THUMPD2: variants seen among roughly 807,000 people sequenced by gnomAD.
THUMPD2 encodes the protein THUMP domain 2 tRNA and snRNA guanosine methyltransferase.
In THUMPD2, 56 loss-of-function variants were observed where a neutral mutation model predicts 49.4. The observed-to-expected ratio is 1.13, with a 90% CI of 0.91 to 1.41. The LOEUF is 1.41. Among genes scored for constraint, THUMPD2 ranks in the 40% most tolerant of loss-of-function variants. THUMPD2 has a pLI of 0.00. For missense variants in THUMPD2, 709 were observed against 594.5 expected, an observed-to-expected ratio of 1.19 and a Z score of -2.00; for synonymous variants, 237 against 205.2, an observed-to-expected ratio of 1.15 and a Z score of -1.32.
intron 9 of THUMPD2, among the ~76,000 whole-genome samples, chr2:39,740,327 T>C (rs1222168929): frequency 6.6e-6 from 1 of 152,232 alleles, no homozygotes. Context: ...ATAATGTATA[T>C]TGTAACAACT....
intron 8 of THUMPD2, among the ~76,000 whole-genome samples, chr2:39,746,509 G>A (rs528552328): frequency 2.6e-5 from 4 of 152,250 alleles, no homozygotes; most frequent in East Asian, 3.9e-4. Context: ...ATTATTAGAT[G>A]CTTTAAATAC....
At chr2:39,762,236 T>A (rs1210852961) in intron 5 of THUMPD2, among the ~76,000 whole-genome samples, 1 of 152,196 alleles carries the variant, frequency 6.6e-6, no homozygotes, top group African/African-American at 2.4e-5. Flanking sequence ...TGGGGTTGGC[T>A]TCTTCCAAAA....
intron 3 of THUMPD2, chr2:39,768,926 G>A: frequency 7.7e-7 from 1 of 1,302,842 alleles, no homozygotes; most frequent in Non-Finnish European, 1.0e-6. Context: ...TGATTTTAAG[G>A]TTGATAAAGT....
chr2:39,767,603 C>CAAAAAAAA lies in THUMPD2; in HGVS notation c.750+813_750+820dup, dbSNP rs57906396. Among the ~76,000 whole-genome samples, 77 of 67,708 alleles carry CAAAAAAAA rather than the reference C, an allele frequency of 1.1e-3. 1 individual carries two copies. The highest frequency in any genetic ancestry group is 3.4e-3 in the East Asian group (8 of 2,326). The allele number at this position is 67,708 out of a possible 152,430, so 44.4% of individuals were successfully genotyped here. A position where few individuals can be genotyped will look rare whatever the true frequency, so the allele number is the denominator to read the frequency against. ...TGGGCGACAGAGCGAGACTCCGTCT[C>CAAAAAAAA]AAAAAAAAAAAAAAAAAAAGAATTG... On this transcript the variant is annotated intron_variant, in intron 4 of 9. Transcript: ENST00000505747.
chr2:39,740,816 C>T (rs1673793218), intron 9 of THUMPD2, among the ~76,000 whole-genome samples: 2 of 152,072 alleles, frequency 1.3e-5, no homozygotes, highest in Non-Finnish European at 2.9e-5. Flanking sequence ...AAGCGATCCT[C>T]CTACTTTAGC....
At chr2:39,759,328 T>G (rs1023951654) in intron 6 of THUMPD2, among the ~76,000 whole-genome samples, 8 of 152,122 alleles carry the variant, frequency 5.3e-5, no homozygotes, top group Non-Finnish European at 8.8e-5. Flanking sequence ...TTAACTACAA[T>G]TTTGGTATAA....
intron 1 of THUMPD2, among the ~76,000 whole-genome samples, chr2:39,775,112 G>A (rs973354086): frequency 1.3e-5 from 2 of 151,954 alleles, no homozygotes; most frequent in African/African-American, 4.8e-5. Flanking sequence ...AGACCCTGTT[G>A]GTACAAAAAG....
intron 8 of THUMPD2, among the ~76,000 whole-genome samples, chr2:39,754,795 C>T (rs2148256855): frequency 6.6e-6 from 1 of 152,332 alleles, no homozygotes; most frequent in South Asian, 2.1e-4. Context: ...TCCTGGTTTA[C>T]TCCAGACTTT....
intron 9 of THUMPD2, among the ~76,000 whole-genome samples, chr2:39,742,311 G>A (rs901992989): frequency 6.6e-6 from 1 of 152,162 alleles, no homozygotes; most frequent in Non-Finnish European, 1.5e-5. Flanking sequence ...GTCCCACTGA[G>A]GCACTTTAGT....
intron 8 of THUMPD2, among the ~76,000 whole-genome samples, chr2:39,748,996 A>C (rs1489129789): frequency 6.6e-6 from 1 of 152,014 alleles, no homozygotes; most frequent in Admixed American, 6.6e-5. Flanking sequence ...AAAAAAAAAA[A>C]CAAAACAAAA....
In THUMPD2 at chr2:39,761,366, T is replaced by C. The variant is rs764184001; in HGVS notation, c.856A>G (p.Ile286Val). Residue 286 changes from isoleucine (I) to valine (V), a missense_variant, in exon 6 of 10, where the codon ATA (isoleucine) becomes GTA (valine). Ile to Val is a conservative substitution (Grantham distance 29, BLOSUM62 3). Coordinates refer to ENST00000505747, the MANE Select transcript of THUMPD2 (RefSeq NM_025264.5). ...GCCAGAGATGCCATTGCCCACGCTA[T>C]TGTAGATCGCAGTCCAGCTGTCTTG... The part of the protein sequence containing the change: ...YIKTAGLRST[I>V]AWAMASLADI... 8.7e-6 allele frequency: 14 copies of C among 1,613,770 alleles called. No homozygotes were observed. Among genetic ancestry groups the C allele is most frequent in the African/African-American group, 8.0e-5 (6 of 75,020 alleles).
At chr2:39,744,017 T>C (rs915271489) in intron 9 of THUMPD2, among the ~76,000 whole-genome samples, 11 of 149,412 alleles carry the variant, frequency 7.4e-5, no homozygotes, top group African/African-American at 2.7e-4. Flanking sequence ...CTGTTAAGTG[T>C]GGGGGATTAA....
At chr2:39,755,624 G>A (rs1675996178) in intron 7 of THUMPD2, among the ~76,000 whole-genome samples, 1 of 152,156 alleles carries the variant, frequency 6.6e-6, no homozygotes, top group Admixed American at 6.5e-5. Context: ...ACAATGACAA[G>A]TGTCTAAAGA....
At chr2:39,761,760 A>C (rs1676855009) in intron 5 of THUMPD2, among the ~76,000 whole-genome samples, 1 of 152,146 alleles carries the variant, frequency 6.6e-6, no homozygotes, top group Non-Finnish European at 1.5e-5. Context: ...TGCTATTTGA[A>C]GTCATGAAGG....
At chr2:39,757,290 A>G (rs957964295) in intron 6 of THUMPD2, 3 of 876,248 alleles carry the variant, frequency 3.4e-6, no homozygotes, top group African/African-American at 1.7e-5. Flanking sequence ...GGGAGAAAAG[A>G]CATCCACCAC....
At chr2:39,759,151 A>G (rs1676506557) in intron 6 of THUMPD2, among the ~76,000 whole-genome samples, 1 of 152,134 alleles carries the variant, frequency 6.6e-6, no homozygotes, top group Non-Finnish European at 1.5e-5. Context: ...ACATGTTCAT[A>G]ATAGGAATTT....
At chr2:39,773,551 ATTTAAAAATATATATATATTTATAT>A (rs67938550) in intron 1 of THUMPD2, among the ~76,000 whole-genome samples, 61,078 of 126,748 alleles carry the variant, frequency 0.48, 17,871 homozygotes, top group East Asian at 0.7. Flanking sequence ...ATATATTTAT[ATTTAAAAATATATATATATTTATAT>A]TTTAAAAATA....
intron 5 of THUMPD2, among the ~76,000 whole-genome samples, chr2:39,765,758 T>C (rs911911318): frequency 1.3e-5 from 2 of 152,136 alleles, no homozygotes; most frequent in Admixed American, 6.5e-5. Context: ...AGAAGCCTTT[T>C]AGGTATAGGT....
intron 2 of THUMPD2, 138 bp downstream of exon 2, chr2:39,771,367 C>T (rs1678286526): frequency 2.1e-6 from 2 of 947,946 alleles, no homozygotes; most frequent in Non-Finnish European, 3.0e-6. Context: ...TCAGGAAATA[C>T]AGAAAAATAC....
Sources: allele counts gnomAD v4.1 joint callset (sites outside exome capture counted in the v4.1 genomes callset), GRCh38; gene constraint gnomAD v4.1.1; transcripts MANE v1.5; gene names NCBI Gene and HGNC (gene_info 2026-07-23, HGNC 2026-07-21).